The following VPS8 variants were observed in gnomAD, a reference collection of about 807,000 sequenced individuals.
VPS8 encodes vacuolar protein sorting-associated protein 8 homolog.
A neutral mutation model predicts 216.4 loss-of-function variants in VPS8; 129 were observed. The ratio of observed to expected loss-of-function variants is 0.60; its 90% CI spans 0.52 to 0.69. The LOEUF (loss-of-function observed/expected upper bound fraction) is 0.69, where lower values mean the gene tolerates loss of function less well. Ranked by LOEUF, VPS8 falls within the 30% of genes least tolerant of loss-of-function variation. The pLI is 0.00. For missense variants in VPS8, 1,531 were observed against 1,683.5 expected, an observed-to-expected ratio of 0.91 and a Z score of 1.59; for synonymous variants, 571 against 565.4, an observed-to-expected ratio of 1.01 and a Z score of -0.14.
chr3:184,921,723 C>G (rs1411297099), intron 29 of VPS8, among the ~76,000 whole-genome samples: 4 of 152,062 alleles, frequency 2.6e-5, no homozygotes, highest in African/African-American at 9.7e-5. Context: ...GCCACCACAC[C>G]CAGCTAATTT....
rs1465057950 is a variant in VPS8 at position 184,859,002 on chromosome 3, CCTGG to C, written c.1144-982_1144-979del. On this transcript the variant is annotated intron_variant, in intron 14 of 47. Coordinates refer to ENST00000625842, the MANE Select transcript of VPS8 (RefSeq NM_001009921.3). ...AAGCTTTGCTCTTGTCTGCAGCTGA[CCTGG>C]ACACAACTGTTTTGGCAGCCATCAA... is the stretch of plus-strand genomic sequence containing the variant. 2.0e-5 allele frequency among the ~76,000 whole-genome samples: 3 copies of C among 152,150 alleles called. No individual in the cohort carries two copies. The East Asian group carries it at 5.8e-4, about 29-fold the overall frequency.
chr3:184,901,141 A>G, intron 25 of VPS8, 169 bp downstream of exon 25: 1 of 624,748 alleles, frequency 1.6e-6, no homozygotes, highest in Non-Finnish European at 2.8e-6. Context: ...TCTCACACTA[A>G]AAAGTTTCCT....
intron 25 of VPS8, among the ~76,000 whole-genome samples, chr3:184,902,941 G>A (rs368046055): frequency 4.6e-5 from 7 of 151,824 alleles, no homozygotes; most frequent in East Asian, 3.9e-4. Flanking sequence ...TCTATAATTC[G>A]TTTCGAGTTA....
intron 15 of VPS8, among the ~76,000 whole-genome samples, 166 bp from the exon 16 acceptor site, chr3:184,862,731 T>G (rs183955782): frequency 6.2e-4 from 94 of 152,382 alleles, no homozygotes; most frequent in South Asian, 8.3e-4. Flanking sequence ...CCTACTGTTC[T>G]CTGGCCTGTC....
chr3:184,940,128 C>T (rs1742384932), intron 35 of VPS8, 69 bp from the exon 36 acceptor site: 2 of 918,296 alleles, frequency 2.2e-6, no homozygotes, highest in East Asian at 3.2e-5. Context: ...TAAAGTAGTT[C>T]TTTACCATGG....
At chr3:184,993,116 G>A (rs1180564167) in intron 42 of VPS8, among the ~76,000 whole-genome samples, 5 of 151,864 alleles carry the variant, frequency 3.3e-5, no homozygotes, top group Admixed American at 1.3e-4. Flanking sequence ...GAAAAAAAAA[G>A]AAATATTTGC....
intron 42 of VPS8, among the ~76,000 whole-genome samples, chr3:184,992,434 A>G (rs945318301): frequency 1.7e-4 from 26 of 152,132 alleles, no homozygotes; most frequent in Admixed American, 1.3e-4. Context: ...GGAGACCAGT[A>G]TAGTGTGTTT....
intron 22 of VPS8, among the ~76,000 whole-genome samples, chr3:184,887,425 C>CTAAT (rs1325026695): frequency 6.6e-6 from 1 of 150,884 alleles, no homozygotes; most frequent in African/African-American, 2.4e-5. Context: ...TTTTTCCACA[C>CTAAT]TAATAATGAT....
chr3:184,873,211 A>G (rs1728665130), intron 21 of VPS8, among the ~76,000 whole-genome samples: 1 of 152,152 alleles, frequency 6.6e-6, no homozygotes, highest in Non-Finnish European at 1.5e-5. Flanking sequence ...AGTGAAGTGA[A>G]GTTCCAAGGT....
chr3:184,856,797 G>A (rs1458454572), intron 14 of VPS8, among the ~76,000 whole-genome samples: 1 of 152,034 alleles, frequency 6.6e-6, no homozygotes, highest in Non-Finnish European at 1.5e-5. Context: ...ATCTTCTGTT[G>A]TCTCTGAGCT....
Position 184,940,225 on chromosome 3 carries a change from G to A in VPS8, c.3017G>A (p.Arg1006Lys), listed in dbSNP as rs1197662881. ...QNQVLLFKFL[R>K]SLLDPREGIH... ...CAGGTTTTGCTTTTCAAATTTTTGA[G>A]GAGTCTTCTTGACCCAAGGTATGTT... The change falls in exon 36 of 48, where the codon AGG (arginine) becomes AAG (lysine). Residue 1006 changes from arginine to lysine, a missense_variant. Arg to Lys is a conservative substitution (Grantham distance 26, BLOSUM62 2). This residue lies in a region of VPS8 where 1,318 missense variants were observed against 1,468.4 expected (regional missense o/e 0.90). Coordinates refer to ENST00000625842, the MANE Select transcript of VPS8 (RefSeq NM_001009921.3). 6.8e-7 allele frequency: 1 copy of A among 1,480,426 alleles called. No individual in the cohort carries two copies. Among genetic ancestry groups the A allele is most frequent in the African/African-American group, 1.4e-5 (1 of 71,370 alleles). 91.7% of individuals were successfully genotyped at this position (1,480,426 alleles called of 1,614,324 possible).
chr3:185,016,680 G>T (rs1407785673), intron 45 of VPS8, among the ~76,000 whole-genome samples: 1 of 152,162 alleles, frequency 6.6e-6, no homozygotes, highest in Non-Finnish European at 1.5e-5. Flanking sequence ...GTCCCCATTG[G>T]TTGTATGACT....
chr3:185,005,277 C>T (rs115523847), intron 45 of VPS8, among the ~76,000 whole-genome samples: 1,727 of 152,240 alleles, frequency 0.011, 41 homozygotes, highest in African/African-American at 0.04. Context: ...GTAACCATAC[C>T]GTTGTAGTAT....
intron 45 of VPS8, among the ~76,000 whole-genome samples, chr3:185,021,228 C>G (rs1490968667): frequency 2.6e-5 from 4 of 152,144 alleles, no homozygotes; most frequent in Non-Finnish European, 5.9e-5. Flanking sequence ...ATCCGTATCC[C>G]CAGATCTAGT....
intron 46 of VPS8, among the ~76,000 whole-genome samples, chr3:185,035,435 T>G (rs1758752636): frequency 6.6e-6 from 1 of 152,138 alleles, no homozygotes; most frequent in African/African-American, 2.4e-5. Context: ...TTATTCCTGG[T>G]ATACAAGATT....
chr3:185,044,383 T>A (rs1001105245), intron 46 of VPS8, among the ~76,000 whole-genome samples: 2 of 152,106 alleles, frequency 1.3e-5, no homozygotes, highest in African/African-American at 4.8e-5. Context: ...ATAAGAAAAG[T>A]ACCTACCTCG....
intron 40 of VPS8, among the ~76,000 whole-genome samples, chr3:184,972,225 G>A (rs1210516231): frequency 6.6e-6 from 1 of 152,210 alleles, no homozygotes; most frequent in Non-Finnish European, 1.5e-5. Flanking sequence ...ACTATAAAGA[G>A]TGTGTGGCTT....
At position 184,898,636 on chromosome 3, in the gene VPS8, A is replaced by T. The variant is rs759886159; in HGVS notation, c.2076A>T (p.Glu692Asp). The change falls in exon 24 of 48, where the codon GAA (glutamate) becomes GAT (aspartate). Residue 692 changes from glutamate (E) to aspartate (D), a missense_variant. Transcript: ENST00000625842. Reference protein sequence around the residue: ...MIYVYNRGMNEFISPMEKLFR... With the variant: ...MIYVYNRGMNDFISPMEKLFR... ...ATGTCTACAACAGAGGCATGAATGA[A>T]TTTATTAGTCCAATGGAGGTAAGAT... 4.1e-5 allele frequency: 63 copies of T among 1,552,798 alleles called. No homozygotes were observed. Among genetic ancestry groups the T allele is most frequent in the Non-Finnish European group, 5.3e-5 (61 of 1,147,550 alleles).
At chr3:184,832,304 A>AT (rs112120253) in intron 3 of VPS8, among the ~76,000 whole-genome samples, 17 of 150,704 alleles carry the variant, frequency 1.1e-4, no homozygotes, top group East Asian at 9.7e-4. Flanking sequence ...TCTGCTTGTC[A>AT]TTTTTTTTTA....
Sources: allele counts gnomAD v4.1 joint callset (sites outside exome capture counted in the v4.1 genomes callset), GRCh38; gene constraint gnomAD v4.1.1; regional missense constraint gnomAD v4.1.1; transcripts MANE v1.5; gene names NCBI Gene and HGNC (gene_info 2026-07-23, HGNC 2026-07-21).